Variants in TNNI3K observed in about 807,000 individuals in gnomAD.
TNNI3K encodes serine/threonine-protein kinase TNNI3K.
A neutral mutation model predicts 114.5 loss-of-function variants in TNNI3K; 140 were observed. That is an observed-to-expected ratio of 1.22 (90% CI 1.07 to 1.41). The LOEUF is 1.41. Among genes scored for constraint, TNNI3K ranks in the 40% most tolerant of loss-of-function variants. TNNI3K has a pLI of 0.00. For synonymous variants in TNNI3K, 347 were observed against 347.5 expected (o/e 1.00, Z 0.02); for missense variants, 1,125 against 1,007.6 (o/e 1.12, Z -1.58).
intron 11 of TNNI3K, among the ~76,000 whole-genome samples, chr1:74,365,319 C>T (rs891306305): frequency 6.6e-6 from 1 of 152,062 alleles, no homozygotes; most frequent in African/African-American, 2.4e-5. Context: ...AATCTCATCT[C>T]CTTATCCTCA....
At chr1:74,385,801 A>G (rs1223503370) in intron 17 of TNNI3K, among the ~76,000 whole-genome samples, 1 of 152,200 alleles carries the variant, frequency 6.6e-6, no homozygotes, top group Non-Finnish European at 1.5e-5. Flanking sequence ...GGTCTGATGC[A>G]AAAGATATTC....
chr1:74,474,154 C>T (rs759832540), intron 21 of TNNI3K, among the ~76,000 whole-genome samples: 6 of 152,058 alleles, frequency 3.9e-5, no homozygotes, highest in Non-Finnish European at 8.8e-5. Flanking sequence ...GAGCACATCC[C>T]CTTCAGTTAT....
intron 21 of TNNI3K, among the ~76,000 whole-genome samples, chr1:74,472,739 T>A (rs1041629985): frequency 2.0e-5 from 3 of 152,268 alleles, no homozygotes; most frequent in African/African-American, 7.2e-5. Context: ...TAATAAAATG[T>A]TCATTAAATA....
chr1:74,261,421 T>C (rs1655667725), intron 4 of TNNI3K, among the ~76,000 whole-genome samples: 1 of 152,132 alleles, frequency 6.6e-6, no homozygotes, highest in Non-Finnish European at 1.5e-5. Context: ...TAAACATGAA[T>C]GAAACTTCAT....
At chr1:74,472,963 C>T (rs1254635121) in intron 21 of TNNI3K, among the ~76,000 whole-genome samples, 1 of 152,038 alleles carries the variant, frequency 6.6e-6, no homozygotes, top group African/African-American at 2.4e-5. Flanking sequence ...ATGAACCATT[C>T]AGAAAGGAAG....
At chr1:74,238,483 G>C (rs1008409800) in intron 2 of TNNI3K, among the ~76,000 whole-genome samples, 2 of 151,956 alleles carry the variant, frequency 1.3e-5, no homozygotes, top group African/African-American at 4.8e-5. Flanking sequence ...AAGGATAGAA[G>C]ACTTATCATA....
intron 9 of TNNI3K, chr1:74,346,057 A>G (rs1243523324): frequency 6.6e-6 from 1 of 152,190 alleles, no homozygotes; most frequent in Non-Finnish European, 1.5e-5. Context: ...TTGTAATGTG[A>G]TTCTATAAGC....
chr1:74,464,962 T>C, intron 21 of TNNI3K: 4 of 1,220,884 alleles, frequency 3.3e-6, no homozygotes, highest in Non-Finnish European at 4.1e-6. Context: ...CATCTGAATT[T>C]TGATGTCCAG....
intron 4 of TNNI3K, among the ~76,000 whole-genome samples, chr1:74,270,983 A>G (rs1484254440): frequency 1.3e-5 from 2 of 151,798 alleles, no homozygotes; most frequent in African/African-American, 4.8e-5. Context: ...CAAATTTTTC[A>G]AATTTGGAGG....
intron 5 of TNNI3K, among the ~76,000 whole-genome samples, chr1:74,328,536 C>G (rs1660033882): frequency 6.6e-6 from 1 of 152,088 alleles, no homozygotes; most frequent in Admixed American, 6.5e-5. Flanking sequence ...TTCTAAAATG[C>G]ATTGCTCTCA....
chr1:74,349,145 G>T (rs1262682656), intron 9 of TNNI3K, among the ~76,000 whole-genome samples: 4 of 152,096 alleles, frequency 2.6e-5, no homozygotes, highest in Admixed American at 2.6e-4. Context: ...GTCATGCATA[G>T]CTCTTATTAT....
At chr1:74,314,565 C>T (rs1659194726) in intron 5 of TNNI3K, among the ~76,000 whole-genome samples, 2 of 152,058 alleles carry the variant, frequency 1.3e-5, no homozygotes, top group Non-Finnish European at 2.9e-5. Flanking sequence ...AATTTCAAGA[C>T]AGCAACAGCA....
At chr1:74,343,509 C>G (rs539650533) in intron 9 of TNNI3K, among the ~76,000 whole-genome samples, 1 of 152,236 alleles carries the variant, frequency 6.6e-6, no homozygotes, top group African/African-American at 2.4e-5. Context: ...TGGAAAGCTG[C>G]CAAAAAGGGA....
chr1:74,310,036 A>G (rs1658894043), intron 5 of TNNI3K, among the ~76,000 whole-genome samples: 1 of 152,192 alleles, frequency 6.6e-6, no homozygotes, highest in African/African-American at 2.4e-5. Context: ...TTCACTGACC[A>G]TATGATTTCA....
chr1:74,293,865 CTT>C (rs1657820035), intron 5 of TNNI3K, among the ~76,000 whole-genome samples: 1 of 151,524 alleles, frequency 6.6e-6, no homozygotes, highest in South Asian at 2.1e-4. Context: ...GAATTTTTTC[CTT>C]CTATTGTTTG....
At chr1:74,515,286 T>C (rs1406938772) in intron 23 of TNNI3K, among the ~76,000 whole-genome samples, 1 of 152,158 alleles carries the variant, frequency 6.6e-6, no homozygotes, top group African/African-American at 2.4e-5. Flanking sequence ...GAATGTTAGG[T>C]CAGTGCCCTT....
chr1:74,436,939 G>T (rs1435191716), intron 19 of TNNI3K, among the ~76,000 whole-genome samples: 1 of 151,880 alleles, frequency 6.6e-6, no homozygotes, highest in Non-Finnish European at 1.5e-5. Context: ...GTAATAAGTG[G>T]TATATCCAAG....
chr1:74,335,096 TTACAGAACAAA>T (rs1367270497), intron 6 of TNNI3K, among the ~76,000 whole-genome samples: 5 of 152,170 alleles, frequency 3.3e-5, no homozygotes, highest in African/African-American at 1.2e-4. Context: ...AAAATAACAT[TTACAGAACAAA>T]TACTGTATGT....
In TNNI3K at chr1:74,346,996, TA is replaced by T. The variant is rs1441167484; in HGVS notation, c.932+3819del. On this transcript the variant is annotated intron_variant, in intron 9 of 24. Transcript: ENST00000326637. Reference sequence around the variant, plus strand: ...ATTAAATACCTATTTATTTATTTATTAATTATTATTATTATTTTTCTACTTT... The same window carrying T: ...ATTAAATACCTATTTATTTATTTATTATTATTATTATTATTTTTCTACTTT... Among the ~76,000 whole-genome samples, 3 of 151,062 alleles carry T rather than the reference TA, an allele frequency of 2.0e-5. No individual in the cohort carries two copies. In the East Asian group the frequency reaches 5.8e-4, roughly 29 times the overall value.
Sources: allele counts gnomAD v4.1 joint callset (sites outside exome capture counted in the v4.1 genomes callset), GRCh38; gene constraint gnomAD v4.1.1; transcripts MANE v1.5; gene names NCBI Gene and HGNC (gene_info 2026-07-23, HGNC 2026-07-21).